The following ADAMTS7 variants were observed in gnomAD, a reference collection of about 807,000 sequenced individuals.
ADAMTS7 encodes ADAM metallopeptidase with thrombospondin type 1 motif 7.
A neutral mutation model predicts 172.6 loss-of-function variants in ADAMTS7; 89 were observed. The observed-to-expected ratio is 0.52, with a 90% confidence interval of 0.43 to 0.61. The LOEUF (loss-of-function observed/expected upper bound fraction) is 0.61. Among genes scored for constraint, ADAMTS7 ranks in the 20% least tolerant of loss-of-function variants. The pLI is 0.00. For missense variants in ADAMTS7, 1,973 were observed against 2,355.6 expected (o/e 0.84, Z 3.36); for synonymous variants, 885 against 978.4 (o/e 0.90, Z 1.78).
intron 8 of ADAMTS7, among the ~76,000 whole-genome samples, chr15:78,786,855 T>C (rs531954186): frequency 2.0e-5 from 3 of 152,260 alleles, no homozygotes; most frequent in Admixed American, 6.5e-5. Context: ...TCCACTTACA[T>C]GTGGATTTTT....
intron 17 of ADAMTS7, 82 bp from the exon 18 acceptor site, chr15:78,767,674 C>A: frequency 7.6e-7 from 1 of 1,307,514 alleles, no homozygotes; most frequent in Non-Finnish European, 1.0e-6. Flanking sequence ...CCAGGCTGGG[C>A]TTCCAGGCCC....
intron 14 of ADAMTS7, among the ~76,000 whole-genome samples, chr15:78,772,810 T>G (rs1361145796): frequency 3.9e-5 from 6 of 152,252 alleles, no homozygotes; most frequent in African/African-American, 1.4e-4. Flanking sequence ...AGGAGGAGAC[T>G]ACCATTCTTT....
chr15:78,780,723 G>A (rs1339620844), intron 8 of ADAMTS7, among the ~76,000 whole-genome samples: 4 of 152,084 alleles, frequency 2.6e-5, no homozygotes, highest in Non-Finnish European at 5.9e-5. Flanking sequence ...CCCTATACTC[G>A]CATGGCCCCG....
chr15:78,797,859 C>T, intron 3 of ADAMTS7, 89 bp downstream of exon 3: 1 of 1,442,732 alleles, frequency 6.9e-7, no homozygotes, highest in Non-Finnish European at 9.4e-7. Flanking sequence ...GGGCACTGGG[C>T]ATGGGGATGT....
intron 8 of ADAMTS7, among the ~76,000 whole-genome samples, chr15:78,778,110 G>A (rs1168671900): frequency 1.3e-5 from 2 of 152,280 alleles, no homozygotes; most frequent in African/African-American, 2.4e-5. Context: ...TGCCTGTCCC[G>A]TTTCCCCCAC....
chr15:78,789,787 G>C lies in ADAMTS7; in HGVS notation c.1080C>G (p.Ser360=). The stretch of plus-strand genomic sequence containing the variant: ...GCGGCTGGCACATGCCCGCCACATG[G>C]GACAGTCCCAGGGTCTCACAGGGCC... The part of the protein sequence containing the change: ...MNRPCETLGL[S]HVAGMCQPHR... The change falls in exon 7 of 24, where the codon TCC becomes TCG. Residue 360 remains serine, a synonymous_variant. Coordinates refer to ENST00000388820, the MANE Select transcript of ADAMTS7 (RefSeq NM_014272.5). 1 of 1,609,534 alleles carries C rather than the reference G, an allele frequency of 6.2e-7. No homozygotes were observed. Among genetic ancestry groups the C allele is most frequent in the Non-Finnish European group, 8.5e-7 (1 of 1,178,260 alleles).
chr15:78,766,245 C>T lies in ADAMTS7; in HGVS notation c.3666G>A (p.Glu1222=), dbSNP rs760101119. 6 of 1,611,736 alleles carry T rather than the reference C, an allele frequency of 3.7e-6. No individual in the cohort carries two copies. The highest frequency in any genetic ancestry group is 5.1e-6 in the Non-Finnish European group (6 of 1,179,732). ...GGGGTGCTCCTCGGCCCTTGGGTTC[C>T]TCATCATCCTTGAAAACCTCATTGG... ...DRTNEVFKDD[E]EPKGRGAPHL... Residue 1222 remains glutamate (E), a synonymous_variant, in exon 19 of 24, where the codon GAG becomes GAA. Coordinates refer to ENST00000388820, the MANE Select transcript of ADAMTS7 (RefSeq NM_014272.5).
chr15:78,782,746 G>T (rs545802150), intron 8 of ADAMTS7, among the ~76,000 whole-genome samples: 46 of 152,066 alleles, frequency 3.0e-4, no homozygotes, highest in East Asian at 1.6e-3. Context: ...GCTCAGGAAT[G>T]GAGTTTCCAG....
intron 22 of ADAMTS7, 60 bp from the exon 23 acceptor site, chr15:78,762,625 G>A: frequency 8.3e-7 from 1 of 1,208,696 alleles, no homozygotes; most frequent in Non-Finnish European, 1.1e-6. Flanking sequence ...TGGGGGCAGG[G>A]ACACCTCCTC....
intron 4 of ADAMTS7, 25 bp from the exon 5 acceptor site, chr15:78,791,248 G>T: frequency 3.7e-6 from 6 of 1,603,896 alleles, no homozygotes; most frequent in Non-Finnish European, 5.1e-6. Context: ...GGGGGGTCAG[G>T]TTGTCACGAG....
At chr15:78,794,206 T>G (rs1306553389) in intron 4 of ADAMTS7, among the ~76,000 whole-genome samples, 1 of 152,138 alleles carries the variant, frequency 6.6e-6, no homozygotes, top group African/African-American at 2.4e-5. Context: ...GCCATTGCAC[T>G]CCAGCCTGGG....
At position 78,779,100 on chromosome 15, in the gene ADAMTS7, G is replaced by A. The variant is rs1077187; in HGVS notation, c.1323-1512C>T. ...GGCCCCCGGCCCTGCCCAGAGCTGC[G>A]GAGAAGAAAGCCAAGGTGACCAGAC... On this transcript the variant is annotated intron_variant, in intron 8 of 23. Transcript: ENST00000388820. Among the ~76,000 whole-genome samples, 4,357 of 152,168 alleles carry A rather than the reference G, an allele frequency of 0.029. 564 individuals are homozygous for A. The East Asian group carries it at 0.37, about 13-fold the overall frequency.
At position 78,771,259 on chromosome 15, in the gene ADAMTS7, GGTGTACTCGTA is replaced by G. The variant is rs2055244189; in HGVS notation, c.2410_2420del (p.Tyr804HisfsTer55). 1 of 1,612,522 alleles carries G rather than the reference GGTGTACTCGTA, an allele frequency of 6.2e-7. No homozygotes were observed. Among genetic ancestry groups the G allele is most frequent in the African/African-American group, 1.3e-5 (1 of 74,884 alleles). On this transcript the variant is annotated frameshift_variant, in exon 16 of 24. Transcript: ENST00000388820. LOFTEE classifies it high-confidence loss of function. The surrounding 1 kb of genome is among the most constrained non-coding windows in gnomAD (Gnocchi z 4.9). ...CGTGGCCACCTGCCTCCCTGTGGAT[GGTGTACTCGTA>G]GTGCACCCCAGGGTTGCTCTCCTGG... is the stretch of plus-strand genomic sequence containing the variant.
chr15:78,766,284 T>A lies in ADAMTS7; in HGVS notation c.3627A>T (p.Pro1209=). ...AAACCTCATTGGTCCTGTCCCGCCATGGAGGGGGCAGCTGGCTCTGGCTGT... is the reference window on the plus strand; with the variant it reads ...AAACCTCATTGGTCCTGTCCCGCCAAGGAGGGGGCAGCTGGCTCTGGCTGT... ...GKDSQSQLPP[P]WRDRTNEVFK... is the part of the protein sequence containing the mutation. Residue 1209 remains proline, a synonymous_variant, in exon 19 of 24, where the codon CCA becomes CCT. Coordinates refer to ENST00000388820, the MANE Select transcript of ADAMTS7 (RefSeq NM_014272.5). The A allele has an allele frequency of 3.7e-6, 6 of 1,611,642 alleles. No individual in the cohort carries two copies. The highest frequency in any genetic ancestry group is 5.1e-6 in the Non-Finnish European group (6 of 1,179,976).
intron 16 of ADAMTS7, chr15:78,770,483 C>T (rs1477298071): frequency 8.3e-5 from 3 of 36,136 alleles, no homozygotes. Flanking sequence ...GGAGGAAGAC[C>T]GAGGGGCGTT....
At position 78,766,078 on chromosome 15, in the gene ADAMTS7, G is replaced by A. The variant is rs557153355; in HGVS notation, c.3833C>T (p.Pro1278Leu). The A allele has an allele frequency of 6.2e-7, 1 of 1,610,250 alleles. No individual in the cohort carries two copies. The highest frequency in any genetic ancestry group is 1.7e-5 in the Admixed American group (1 of 59,276). The change falls in exon 19 of 24, where the codon CCT becomes CTT. Residue 1278 changes from proline to leucine, a missense_variant. Physicochemically the swap from Pro to Leu is moderately conservative, Grantham distance 98 (BLOSUM62 -3). Around this residue, in one of 8 missense-constraint regions of ADAMTS7, gnomAD observed 771 missense variants for 952.6 expected, o/e 0.81. Transcript: ENST00000388820. ...WEPALEGGLG[P>L]VDSELWPTVG... ...AGTGGGCCACAGTTCACTGTCCACA[G>A]GCCCCAGGCCACCCTCCAGAGCTGG...
At chr15:78,792,511 G>A (rs2055594085) in intron 4 of ADAMTS7, among the ~76,000 whole-genome samples, 1 of 152,168 alleles carries the variant, frequency 6.6e-6, no homozygotes, top group African/African-American at 2.4e-5. Flanking sequence ...GTTCTTCACT[G>A]TCCAGGAAAA....
Position 78,766,638 on chromosome 15 carries a change from T to C in ADAMTS7, c.3273A>G (p.Thr1091=), listed in dbSNP as rs140478676. 6.2e-3 allele frequency: 9,927 copies of C among 1,609,122 alleles called. 186 individuals are homozygous for C. Among genetic ancestry groups the C allele is most frequent in the Admixed American group, 0.054 (3,230 of 59,590 alleles). Residue 1091 remains threonine (T), a synonymous_variant, in exon 19 of 24, where the codon ACA becomes ACG. Coordinates refer to ENST00000388820, the MANE Select transcript of ADAMTS7 (RefSeq NM_014272.5). ...SEEPDLDLAG[T]GDRTPPPHSH... ...TGTGTGGTGGGGGTGTCCGGTCCCC[T>C]GTCCCCGCCAGGTCTAGATCGGGCT...
At chr15:78,790,629 C>A (rs1277101483) in intron 6 of ADAMTS7, 41 bp downstream of exon 6, 3 of 1,608,970 alleles carry the variant, frequency 1.9e-6, no homozygotes, top group Non-Finnish European at 2.5e-6. Flanking sequence ...CGGGAAGCAC[C>A]TCCTGAGATG....
Sources: allele counts gnomAD v4.1 joint callset (sites outside exome capture counted in the v4.1 genomes callset), GRCh38; gene constraint gnomAD v4.1.1; regional missense constraint gnomAD v4.1.1; non-coding constraint Gnocchi (gnomAD v3.1); transcripts MANE v1.5; gene names NCBI Gene and HGNC (gene_info 2026-07-23, HGNC 2026-07-21).